SYNE1: variants seen among roughly 807,000 people sequenced by gnomAD.
SYNE1 encodes nesprin-1.
Under a neutral mutation model 1,111.0 loss-of-function variants are expected in SYNE1, and 616 were observed. The ratio of observed to expected loss-of-function variants is 0.55; its 90% CI spans 0.52 to 0.59. SYNE1 has a LOEUF of 0.59. Ranked by LOEUF, SYNE1 falls within the 20% of genes least tolerant of loss-of-function variation. SYNE1 has a pLI of 0.00. For missense variants in SYNE1, 10,006 were observed against 10,417.0 expected, an observed-to-expected ratio of 0.96 and a Z score of 1.72; for synonymous variants, 3,855 against 3,825.8, an observed-to-expected ratio of 1.01 and a Z score of -0.28.
At chr6:152,555,170 A>G (rs1030265191) in intron 3 of SYNE1, among the ~76,000 whole-genome samples, 3 of 152,200 alleles carry the variant, frequency 2.0e-5, no homozygotes, top group African/African-American at 7.2e-5. Context: ...TACAATTATT[A>G]TATCTTTGTC....
chr6:152,398,229 T>C (rs2154145182), intron 49 of SYNE1, among the ~76,000 whole-genome samples: 1 of 152,242 alleles, frequency 6.6e-6, no homozygotes, highest in Admixed American at 6.5e-5. Context: ...ATATCTCCTA[T>C]CTCTAACTAT....
At chr6:152,487,754 G>C (rs1284240871) in intron 12 of SYNE1, among the ~76,000 whole-genome samples, 1 of 152,232 alleles carries the variant, frequency 6.6e-6, no homozygotes. Context: ...GTTCTTGGTA[G>C]ATTTTTGGGT....
chr6:152,475,967 G>A (rs1379681434), intron 14 of SYNE1, among the ~76,000 whole-genome samples: 2 of 152,148 alleles, frequency 1.3e-5, no homozygotes, highest in Non-Finnish European at 2.9e-5. Context: ...CACTGTAGCT[G>A]GATTTCCTCC....
At chr6:152,163,996 T>C (rs183354772) in intron 131 of SYNE1, among the ~76,000 whole-genome samples, 167 bp downstream of exon 131, 1 of 152,330 alleles carries the variant, frequency 6.6e-6, no homozygotes, top group Admixed American at 6.5e-5. Flanking sequence ...ACATGGAACC[T>C]GTTGGCCTCA....
Position 152,398,657 on chromosome 6 carries a change from C to A in SYNE1, c.7312G>T (p.Asp2438Tyr), listed in dbSNP as rs199792324. ...AGCTTTGCTTCTAGAACTTTGCTGT[C>A]ACCGGTGCGATCTGATGATTCTTTT... The part of the protein sequence containing the change: ...AAKESSDRTG[D>Y]SKVLEAKLHD... The change falls in exon 49 of 146, where the codon GAC becomes TAC. Residue 2438 changes from aspartate to tyrosine, a missense_variant. Coordinates refer to ENST00000367255, the MANE Select transcript of SYNE1 (RefSeq NM_182961.4). The A allele has an allele frequency of 3.1e-6, 5 of 1,614,054 alleles. No homozygotes were observed. Among genetic ancestry groups the A allele is most frequent in the Middle Eastern group, 1.7e-4 (1 of 6,058 alleles).
At position 152,376,759 on chromosome 6, in the gene SYNE1, A is replaced by C; in HGVS notation, c.9146+17T>G. On this transcript the variant is annotated intron_variant, in intron 57 of 145. Coordinates refer to ENST00000367255, the MANE Select transcript of SYNE1 (RefSeq NM_182961.4). ...TTGTATAAAAATATCTTGAACACCAATAAGGTTCATGCTCACCAATTATAC... is the reference window on the plus strand; with the variant it reads ...TTGTATAAAAATATCTTGAACACCACTAAGGTTCATGCTCACCAATTATAC... The C allele has an allele frequency of 6.2e-7, 1 of 1,613,496 alleles. No homozygotes were observed. Among genetic ancestry groups the C allele is most frequent in the Non-Finnish European group, 8.5e-7 (1 of 1,179,950 alleles).
chr6:152,476,580 A>G (rs1270791524), intron 14 of SYNE1, among the ~76,000 whole-genome samples: 3 of 149,664 alleles, frequency 2.0e-5, no homozygotes, highest in South Asian at 2.1e-4. Context: ...TTCCTTTGGG[A>G]AAAAAAAATG....
chr6:152,554,143 A>C (rs1457275269), intron 3 of SYNE1, among the ~76,000 whole-genome samples: 1 of 152,100 alleles, frequency 6.6e-6, no homozygotes, highest in African/African-American at 2.4e-5. Context: ...CATGGTCTGC[A>C]CTGTGCCCCA....
intron 8 of SYNE1, among the ~76,000 whole-genome samples, chr6:152,506,696 A>G (rs2099060066): frequency 6.6e-6 from 1 of 152,158 alleles, no homozygotes; most frequent in South Asian, 2.1e-4. Flanking sequence ...CATGTGCCAC[A>G]ATACCTGGCT....
At chr6:152,497,683 A>T (rs1320389807) in intron 11 of SYNE1, among the ~76,000 whole-genome samples, 1 of 152,224 alleles carries the variant, frequency 6.6e-6, no homozygotes, top group Non-Finnish European at 1.5e-5. Context: ...TGACTTTCTA[A>T]TGGTTGGAAA....
intron 11 of SYNE1, among the ~76,000 whole-genome samples, chr6:152,490,535 C>A (rs1050780318): frequency 3.2e-4 from 49 of 152,254 alleles, no homozygotes; most frequent in African/African-American, 1.2e-3. Context: ...CTCGGAAGCT[C>A]CCCATTCAGC....
intron 130 of SYNE1, among the ~76,000 whole-genome samples, chr6:152,172,290 T>A (rs573734189): frequency 3.9e-4 from 59 of 152,312 alleles, no homozygotes; most frequent in African/African-American, 1.4e-3. Flanking sequence ...ATAAATATAC[T>A]AAAATCACTG....
intron 41 of SYNE1, among the ~76,000 whole-genome samples, chr6:152,415,568 C>T (rs2098138341): frequency 6.6e-6 from 1 of 152,132 alleles, no homozygotes; most frequent in Non-Finnish European, 1.5e-5. Flanking sequence ...GGAATTTCCT[C>T]ATACTTTTTA....
At position 152,502,418 on chromosome 6, in the gene SYNE1, A is replaced by G. The variant is rs9322375; in HGVS notation, c.888+215T>C. Among the ~76,000 whole-genome samples, 10,204 of 152,232 alleles carry G rather than the reference A, an allele frequency of 0.067. 1,192 individuals carry two copies. The highest frequency in any genetic ancestry group is 0.23 in the African/African-American group (9,660 of 41,512). ...AGTGTACCAGCATCACATACCTTAC[A>G]TTTGTTATTAGCAATGCTTTCTCTA... On this transcript the variant is annotated intron_variant, in intron 10 of 145. Transcript: ENST00000367255.
At chr6:152,348,239 A>G (rs2096673874) in intron 72 of SYNE1, among the ~76,000 whole-genome samples, 1 of 152,196 alleles carries the variant, frequency 6.6e-6, no homozygotes, top group South Asian at 2.1e-4. Flanking sequence ...AAACTGAATC[A>G]CAGTGAGGTT....
At chr6:152,274,684 C>T (rs113539067) in intron 98 of SYNE1, among the ~76,000 whole-genome samples, 146 of 152,242 alleles carry the variant, frequency 9.6e-4, no homozygotes, top group Admixed American at 2.5e-3. Context: ...GCAACCTCTG[C>T]CTCCTCGGTT....
At chr6:152,528,920 A>T (rs6938283) in intron 4 of SYNE1, among the ~76,000 whole-genome samples, 5,404 of 152,222 alleles carry the variant, frequency 0.036, 333 homozygotes, top group African/African-American at 0.12. Flanking sequence ...CATCATTTTT[A>T]TACTAAGCTT....
intron 63 of SYNE1, 148 bp downstream of exon 63, chr6:152,364,699 A>AGGAAGGAC: frequency 1.3e-6 from 1 of 744,850 alleles, no homozygotes; most frequent in African/African-American, 1.9e-5. Flanking sequence ...GAAGGAAGGA[A>AGGAAGGAC]GGAAGGAAGG....
At chr6:152,562,501 A>C (rs899359275) in intron 3 of SYNE1, among the ~76,000 whole-genome samples, 1 of 152,234 alleles carries the variant, frequency 6.6e-6, no homozygotes, top group Non-Finnish European at 1.5e-5. Context: ...TTCTCAAAAA[A>C]ATTAAAAATA....
Sources: gnomAD v4.1 joint callset for allele counts (sites outside exome capture counted in the v4.1 genomes callset) on GRCh38, gnomAD v4.1.1 for gene constraint, MANE v1.5 for transcripts, NCBI Gene and HGNC (gene_info 2026-07-23, HGNC 2026-07-21) for gene names.